Variants in HIPK3 observed in about 807,000 individuals in gnomAD.
HIPK3 encodes homeodomain-interacting protein kinase 3.
A neutral mutation model predicts 124.2 loss-of-function variants in HIPK3; 47 were observed. The ratio of observed to expected loss-of-function variants is 0.38; its 90% confidence interval spans 0.30 to 0.48. The LOEUF is 0.48. Ranked by LOEUF, HIPK3 falls within the 20% of genes least tolerant of loss-of-function variation. HIPK3 has a pLI of 0.98. For missense variants in HIPK3, 1,286 were observed against 1,454.3 expected, an observed-to-expected ratio of 0.88 and a Z score of 1.88; for synonymous variants, 482 against 515.2, an observed-to-expected ratio of 0.94 and a Z score of 0.87.
intron 2 of HIPK3, among the ~76,000 whole-genome samples, chr11:33,289,320 C>T (rs1044519030): frequency 1.3e-5 from 2 of 151,934 alleles, no homozygotes; most frequent in African/African-American, 4.8e-5. Flanking sequence ...TGGTAAATGC[C>T]TGTAGTCTTA....
chr11:33,352,987 A>G (rs539562444), intron 16 of HIPK3, 105 bp from the exon 17 acceptor site: 5 of 672,164 alleles, frequency 7.4e-6, no homozygotes, highest in East Asian at 2.7e-5. Context: ...GAGATCCACT[A>G]TGAGTTATCA....
chr11:33,275,841 T>C (rs1344372658), intron 1 of HIPK3, among the ~76,000 whole-genome samples: 1 of 152,266 alleles, frequency 6.6e-6, no homozygotes, highest in East Asian at 1.9e-4. Context: ...TCACTGCTTA[T>C]GATTACTTTT....
At chr11:33,325,944 C>T (rs967875970) in intron 2 of HIPK3, among the ~76,000 whole-genome samples, 7 of 152,028 alleles carry the variant, frequency 4.6e-5, no homozygotes, top group Admixed American at 4.6e-4. Flanking sequence ...TTCTTATAAC[C>T]ATGTTTTGAA....
upstream of HIPK3, among the ~76,000 whole-genome samples, chr11:33,257,146 G>C (rs1257100303): frequency 6.6e-6 from 1 of 152,106 alleles, no homozygotes; most frequent in Non-Finnish European, 1.5e-5. Flanking sequence ...GGGAGGCTTG[G>C]CTTGCGGGAC....
rs1049806687 is a variant in HIPK3, at chr11:33,258,241, T to C, written c.-3+352T>C. Reference sequence around the variant, plus strand: ...CCCTGCCAAGGTTGCGCAACGGCTCTTCCCAGCAACCGAAGTTTTGTTTAG... The same window carrying C: ...CCCTGCCAAGGTTGCGCAACGGCTCCTCCCAGCAACCGAAGTTTTGTTTAG... On this transcript the variant is annotated intron_variant, in intron 1 of 16. Transcript: ENST00000303296. 14 of 785,506 alleles carry C rather than the reference T, an allele frequency of 1.8e-5. No individual in the cohort carries two copies. The African/African-American group carries it at 2.6e-4, about 15-fold the overall frequency. The allele number at this position is 785,506 out of a possible 1,614,324, so 48.7% of individuals were successfully genotyped here.
chr11:33,276,469 A>T (rs1413322487), intron 1 of HIPK3, among the ~76,000 whole-genome samples: 2 of 152,170 alleles, frequency 1.3e-5, no homozygotes, highest in Non-Finnish European at 2.9e-5. Flanking sequence ...ACTTTTGGAT[A>T]TTCATTATAT....
intron 3 of HIPK3, among the ~76,000 whole-genome samples, chr11:33,336,517 C>A (rs1853153332): frequency 6.6e-6 from 1 of 152,226 alleles, no homozygotes; most frequent in African/African-American, 2.4e-5. Flanking sequence ...TATCCCTTCA[C>A]CCATTGTCAG....
At chr11:33,333,386 C>T (rs76457428) in intron 3 of HIPK3, among the ~76,000 whole-genome samples, 1 of 152,152 alleles carries the variant, frequency 6.6e-6, no homozygotes, top group Admixed American at 6.5e-5. Flanking sequence ...GGTTTCATGA[C>T]CATAAAACTC....
At chr11:33,291,480 AG>A (rs976174426) in intron 2 of HIPK3, among the ~76,000 whole-genome samples, 1 of 152,212 alleles carries the variant, frequency 6.6e-6, no homozygotes, top group Non-Finnish European at 1.5e-5. Context: ...TAAAATAGAC[AG>A]GGGACAGTGG....
Position 33,286,944 on chromosome 11 carries a change from C to G in HIPK3, c.530C>G (p.Thr177Ser). The G allele has an allele frequency of 1.2e-6, 2 of 1,614,196 alleles. No homozygotes were observed. The highest frequency in any genetic ancestry group is 1.7e-6 in the Non-Finnish European group (2 of 1,180,012). The part of the protein sequence containing the change: ...ATTGSKQNCT[T>S]GEGDYQLVQH... The stretch of plus-strand genomic sequence containing the variant: ...ACAGGATCAAAACAGAATTGTACCA[C>G]TGGAGAAGGTGACTATCAGTTAGTA... The change falls in exon 2 of 17, where the codon ACT becomes AGT. Residue 177 changes from threonine to serine, a missense_variant. Thr to Ser is a moderately conservative substitution (Grantham distance 58). Coordinates refer to ENST00000303296, the MANE Select transcript of HIPK3 (RefSeq NM_005734.5).
chr11:33,296,290 G>A (rs1005762550), intron 2 of HIPK3, among the ~76,000 whole-genome samples: 2 of 152,106 alleles, frequency 1.3e-5, no homozygotes, highest in African/African-American at 4.8e-5. Flanking sequence ...GACTTACCTT[G>A]TGCTTTTTCT....
At position 33,287,497 on chromosome 11, in the gene HIPK3, A is replaced by G. The variant is rs777885847; in HGVS notation, c.1083A>G (p.Gln361=). 39 of 1,609,486 alleles carry G rather than the reference A, an allele frequency of 2.4e-5. No individual in the cohort carries two copies. Among genetic ancestry groups the G allele is most frequent in the Non-Finnish European group, 3.1e-5 (37 of 1,177,010 alleles). Residue 361 remains glutamine (Q), a synonymous_variant, in exon 2 of 17, where the codon CAA becomes CAG. Transcript: ENST00000303296. ...VSKTVCSTYL[Q]SRYYRAPEII... Reference sequence around the variant, plus strand: ...AGACTGTTTGTTCAACATATCTACAATCTCGGTACTACAGGTAGGTAACAA... The same window carrying G: ...AGACTGTTTGTTCAACATATCTACAGTCTCGGTACTACAGGTAGGTAACAA...
chr11:33,309,586 C>G lies in HIPK3; in HGVS notation c.1098-18924C>G, dbSNP rs1392132002. Among the ~76,000 whole-genome samples, 4 of 152,226 alleles carry G rather than the reference C, an allele frequency of 2.6e-5. No homozygotes were observed. In the South Asian group the frequency reaches 8.3e-4, roughly 31 times the overall value. ...TTGACTCTTATTTTTAATTTAGACC[C>G]AGTTAGCCACTTAGGATCCATCTTG... On this transcript the variant is annotated intron_variant, in intron 2 of 16. Coordinates refer to ENST00000303296, the MANE Select transcript of HIPK3 (RefSeq NM_005734.5).
Position 33,287,442 on chromosome 11 carries a change from T to C in HIPK3, c.1028T>C (p.Ile343Thr), listed in dbSNP as rs1312610793. 6.2e-7 allele frequency: 1 copy of C among 1,614,186 alleles called. No homozygotes were observed. Among genetic ancestry groups the C allele is most frequent in the Non-Finnish European group, 8.5e-7 (1 of 1,180,036 alleles). Reference sequence around the variant, plus strand: ...CGGCAGCCTTACAGGGTTAAAGTAATAGACTTTGGGTCGGCCAGTCATGTA... The same window carrying C: ...CGGCAGCCTTACAGGGTTAAAGTAACAGACTTTGGGTCGGCCAGTCATGTA... ...PVRQPYRVKV[I>T]DFGSASHVSK... Residue 343 changes from isoleucine (I) to threonine (T), a missense_variant, in exon 2 of 17, where the codon ATA (isoleucine) becomes ACA (threonine). Ile to Thr is a moderately conservative substitution (Grantham distance 89). This residue lies in a region of HIPK3 where 251 missense variants were observed against 349.1 expected (regional missense o/e 0.72). Transcript: ENST00000303296.
In HIPK3 at chr11:33,257,848, C is replaced by T; in HGVS notation, c.-44C>T. On this transcript the variant is annotated 5_prime_UTR_variant, in exon 1 of 17. Coordinates refer to ENST00000303296, the MANE Select transcript of HIPK3 (RefSeq NM_005734.5). The stretch of plus-strand genomic sequence containing the variant: ...CGCCCCACCCCGGACATGCTCAGGG[C>T]TGCGGCCGCCCGAAGAGGAGAGAGC... 1 of 985,768 alleles carries T rather than the reference C, an allele frequency of 1.0e-6. No individual in the cohort carries two copies. The highest frequency in any genetic ancestry group is 1.2e-6 in the Non-Finnish European group (1 of 830,212). The allele number at this position is 985,768 out of a possible 1,614,324, so 61.1% of individuals were successfully genotyped here. A position where few individuals can be genotyped will look rare whatever the true frequency, so the allele number is the denominator to read the frequency against.
chr11:33,337,022 G>T, intron 3 of HIPK3, 53 bp from the exon 4 acceptor site: 1 of 1,338,940 alleles, frequency 7.5e-7, no homozygotes, highest in Non-Finnish European at 1.0e-6. Flanking sequence ...TCTGACTTAA[G>T]TGTTCTGTCA....
intron 2 of HIPK3, among the ~76,000 whole-genome samples, chr11:33,321,517 G>A (rs146199544): frequency 1.2e-3 from 186 of 152,308 alleles, no homozygotes; most frequent in Admixed American, 2.7e-3. Flanking sequence ...TTCAGTAGGT[G>A]AGCATGGATG....
chr11:33,317,683 T>G (rs1461715541), intron 2 of HIPK3, among the ~76,000 whole-genome samples: 3 of 152,234 alleles, frequency 2.0e-5, no homozygotes, highest in African/African-American at 7.2e-5. Flanking sequence ...TGATACAACT[T>G]AGGTGTGTAT....
In HIPK3 at chr11:33,351,981, T is replaced by C. The variant is rs1245854675; in HGVS notation, c.3043+138T>C. ...TATGTATTGTACAGAGGAAATCTTC[T>C]AGTATTATCCAGTGCTTGGAAACCA... is the stretch of plus-strand genomic sequence containing the variant. On this transcript the variant is annotated intron_variant, in intron 15 of 16. Coordinates refer to ENST00000303296, the MANE Select transcript of HIPK3 (RefSeq NM_005734.5). The C allele has an allele frequency of 3.0e-6, 3 of 994,308 alleles. No homozygotes were observed. The Admixed American group carries it at 7.5e-5, about 25-fold the overall frequency. The allele number at this position is 994,308 out of a possible 1,614,324, so 61.6% of individuals were successfully genotyped here. A position where few individuals can be genotyped will look rare whatever the true frequency, so the allele number is the denominator to read the frequency against.
Sources: allele counts gnomAD v4.1 joint callset (sites outside exome capture counted in the v4.1 genomes callset), GRCh38; gene constraint gnomAD v4.1.1; regional missense constraint gnomAD v4.1.1; transcripts MANE v1.5; gene names NCBI Gene and HGNC (gene_info 2026-07-23, HGNC 2026-07-21).